Variants in KIAA1671 observed in about 807,000 individuals in gnomAD.
The protein encoded by KIAA1671 is uncharacterized protein KIAA1671.
KIAA1671 carries 52 observed loss-of-function variants against 131.2 expected under a neutral mutation model. That is an observed-to-expected ratio of 0.40 (90% CI 0.32 to 0.50). The LOEUF (loss-of-function observed/expected upper bound fraction) is 0.50. Among genes scored for constraint, KIAA1671 ranks in the 20% least tolerant of loss-of-function variants. The pLI, the probability that KIAA1671 is intolerant of heterozygous loss-of-function variation, is 0.73. For missense variants in KIAA1671, 2,360 were observed against 2,364.2 expected (o/e 1.00, Z 0.04); for synonymous variants, 1,003 against 961.6 (o/e 1.04, Z -0.80).
Position 25,181,588 on chromosome 22 carries a change from T to G in KIAA1671, c.5075-111T>G, listed in dbSNP as rs1336008157. The G allele has an allele frequency of 3.0e-6, 4 of 1,337,054 alleles. No homozygotes were observed. The Admixed American group carries it at 8.5e-5, about 28-fold the overall frequency. 82.8% of individuals were successfully genotyped at this position (1,337,054 alleles called of 1,614,324 possible). A position where few individuals can be genotyped will look rare whatever the true frequency, so the allele number is the denominator to read the frequency against. ...GTAAAATGGGCCATAGCGTCTTCTG[T>G]GCAGGTCTGATGTGAGCATTGCATG... On this transcript the variant is annotated intron_variant, in intron 9 of 12. Coordinates refer to ENST00000358431, the MANE Select transcript of KIAA1671 (RefSeq NM_001145206.2).
intron 6 of KIAA1671, among the ~76,000 whole-genome samples, chr22:25,159,785 T>G (rs1343202339): frequency 6.6e-6 from 1 of 152,198 alleles, no homozygotes; most frequent in Non-Finnish European, 1.5e-5. Flanking sequence ...AGCTCAGAAC[T>G]GCTAACCTGT....
In KIAA1671 at chr22:25,015,777, G is replaced by A. The variant is rs1192435983; in HGVS notation, c.-207-9856G>A. ...TCCCATGGTCCAGGGGAAGTTTGGGGAAGGCCATCTCAAGCTGTTCCCCTG... is the reference window on the plus strand; with the variant it reads ...TCCCATGGTCCAGGGGAAGTTTGGGAAAGGCCATCTCAAGCTGTTCCCCTG... On this transcript the variant is annotated intron_variant, in intron 1 of 12. Transcript: ENST00000358431. Among the ~76,000 whole-genome samples, 6 of 152,262 alleles carry A rather than the reference G, an allele frequency of 3.9e-5. No individual in the cohort carries two copies. In the East Asian group the frequency reaches 9.7e-4, roughly 25 times the overall value.
chr22:25,014,480 C>G (rs1054187835), intron 1 of KIAA1671: 5 of 152,044 alleles, frequency 3.3e-5, no homozygotes, highest in African/African-American at 1.2e-4. Flanking sequence ...GCAGTCATAG[C>G]TCACTGCAGC....
chr22:25,032,404 G>A (rs905019336), intron 3 of KIAA1671, among the ~76,000 whole-genome samples: 1 of 152,222 alleles, frequency 6.6e-6, no homozygotes, highest in Non-Finnish European at 1.5e-5. Flanking sequence ...ACTAGCACCT[G>A]GGTGTCTTCC....
chr22:25,161,517 A>T (rs890935928), intron 6 of KIAA1671, among the ~76,000 whole-genome samples: 3 of 152,206 alleles, frequency 2.0e-5, no homozygotes, highest in African/African-American at 7.2e-5. Flanking sequence ...ATCAGAACAG[A>T]TGAGGAAAGA....
At chr22:25,141,754 G>A (rs1392573900) in intron 6 of KIAA1671, among the ~76,000 whole-genome samples, 1 of 152,156 alleles carries the variant, frequency 6.6e-6, no homozygotes, top group Non-Finnish European at 1.5e-5. Flanking sequence ...AAGAGGTGAT[G>A]CATCACGGGA....
intron 1 of KIAA1671, among the ~76,000 whole-genome samples, chr22:24,962,075 G>A (rs760347467): frequency 1.8e-4 from 27 of 152,218 alleles, no homozygotes; most frequent in Non-Finnish European, 3.7e-4. Context: ...CCTGTGAGGC[G>A]AGATGGGAAA....
chr22:25,015,008 G>A (rs1925227952), intron 1 of KIAA1671: 3 of 152,212 alleles, frequency 2.0e-5, no homozygotes, highest in Non-Finnish European at 4.4e-5. Context: ...CTAAGGCAGA[G>A]TCATGGATAA....
intron 1 of KIAA1671, among the ~76,000 whole-genome samples, chr22:24,980,516 C>T (rs924564554): frequency 3.3e-5 from 5 of 151,886 alleles, no homozygotes; most frequent in South Asian, 2.1e-4. Flanking sequence ...CTGATCCACC[C>T]GCCTTGGCCT....
chr22:25,029,561 C>T (rs1926159248), intron 3 of KIAA1671, 21 bp downstream of exon 3: 3 of 1,485,790 alleles, frequency 2.0e-6, no homozygotes, highest in African/African-American at 1.4e-5. Flanking sequence ...ACATCCCACA[C>T]CCCTCTCTCA....
intron 6 of KIAA1671, among the ~76,000 whole-genome samples, chr22:25,103,619 A>G (rs948654934): frequency 1.3e-5 from 2 of 152,098 alleles, no homozygotes; most frequent in African/African-American, 2.4e-5. Flanking sequence ...CAGCCTCCCA[A>G]AGTGCTGGGA....
chr22:24,989,865 T>A (rs1261639884), intron 1 of KIAA1671, among the ~76,000 whole-genome samples: 1 of 151,980 alleles, frequency 6.6e-6, no homozygotes, highest in Non-Finnish European at 1.5e-5. Flanking sequence ...TATTTGAGAT[T>A]TGAACAAAAA....
rs756556698 is a variant in KIAA1671, at chr22:25,181,736, G to C, written c.5112G>C (p.Glu1704Asp). 6.4e-7 allele frequency: 1 copy of C among 1,551,654 alleles called. No homozygotes were observed. The highest frequency in any genetic ancestry group is 1.2e-5 in the South Asian group (1 of 84,058). Residue 1704 changes from glutamate (E) to aspartate (D), a missense_variant, in exon 10 of 13, where the codon GAG (glutamate) becomes GAC (aspartate). By Grantham distance (45) the Glu-to-Asp change is conservative. This residue lies in a region of KIAA1671 where 1,161 missense variants were observed against 1,204.7 expected (regional missense o/e 0.96). Transcript: ENST00000358431. ...KSPRKEESDE[E>D]ETASKAERTP... ...CCAGGAAGGAGGAGTCGGATGAGGA[G>C]GAGACGGCATCCAAAGCTGAGAGGA...
chr22:25,184,698 C>G (rs1041198596), intron 10 of KIAA1671, among the ~76,000 whole-genome samples: 1 of 152,032 alleles, frequency 6.6e-6, no homozygotes, highest in Non-Finnish European at 1.5e-5. Flanking sequence ...GGTGGCATGC[C>G]GTGTGCTGAG....
At chr22:25,080,976 C>T (rs1329814482) in intron 6 of KIAA1671, among the ~76,000 whole-genome samples, 4 of 151,946 alleles carry the variant, frequency 2.6e-5, no homozygotes, top group Admixed American at 2.0e-4. Context: ...TCTTTGAGGC[C>T]CCAGCCCTAA....
At chr22:25,119,659 G>A (rs1283949373) in intron 6 of KIAA1671, among the ~76,000 whole-genome samples, 1 of 152,232 alleles carries the variant, frequency 6.6e-6, no homozygotes, top group Non-Finnish European at 1.5e-5. Flanking sequence ...ACCCATGGGA[G>A]TGTATTTTAG....
intron 6 of KIAA1671, among the ~76,000 whole-genome samples, chr22:25,137,727 C>T (rs1398757689): frequency 6.6e-6 from 1 of 152,230 alleles, no homozygotes; most frequent in African/African-American, 2.4e-5. Context: ...GTGTCCTCAT[C>T]AAGTGATTTT....
chr22:25,107,174 A>G (rs1931053989), intron 6 of KIAA1671, among the ~76,000 whole-genome samples: 1 of 152,160 alleles, frequency 6.6e-6, no homozygotes, highest in Non-Finnish European at 1.5e-5. Flanking sequence ...AGGGGGGCAG[A>G]TCACGAGATC....
At chr22:24,955,278 A>G (rs1359359136) in intron 1 of KIAA1671, among the ~76,000 whole-genome samples, 1 of 152,218 alleles carries the variant, frequency 6.6e-6, no homozygotes, top group African/African-American at 2.4e-5. Flanking sequence ...TGTGTCAAAG[A>G]TGAGGCTAGC....
Sources: allele counts gnomAD v4.1 joint callset (sites outside exome capture counted in the v4.1 genomes callset), GRCh38; gene constraint gnomAD v4.1.1; regional missense constraint gnomAD v4.1.1; transcripts MANE v1.5; gene names NCBI Gene and HGNC (gene_info 2026-07-23, HGNC 2026-07-21).